The following ANKS1B variants were observed in gnomAD, a reference collection of about 807,000 sequenced individuals.
ANKS1B encodes ankyrin repeat and sterile alpha motif domain containing 1B.
A neutral mutation model predicts 148.3 loss-of-function variants in ANKS1B; 36 were observed. The ratio of observed to expected loss-of-function variants is 0.24; its 90% CI spans 0.19 to 0.32. The LOEUF is 0.32. Among genes scored for constraint, ANKS1B ranks in the 10% least tolerant of loss-of-function variants. The pLI is 1.00. For synonymous variants in ANKS1B, 542 were observed against 560.8 expected (o/e 0.97, Z 0.47); for missense variants, 1,157 against 1,542.6 (o/e 0.75, Z 4.19).
chr12:99,799,294 GT>G (rs2066643903), intron 4 of ANKS1B, among the ~76,000 whole-genome samples: 1 of 152,066 alleles, frequency 6.6e-6, no homozygotes, highest in Non-Finnish European at 1.5e-5. Flanking sequence ...CCTACATTCT[GT>G]TTCTTGTAAG....
chr12:99,621,167 G>T (rs1360198517), intron 9 of ANKS1B, among the ~76,000 whole-genome samples: 1 of 151,818 alleles, frequency 6.6e-6, no homozygotes, highest in Non-Finnish European at 1.5e-5. Context: ...AAGCAAAAAA[G>T]AAATAAAACC....
At chr12:98,808,552 T>C (rs2099068749) in intron 19 of ANKS1B, among the ~76,000 whole-genome samples, 1 of 152,136 alleles carries the variant, frequency 6.6e-6, no homozygotes, top group Non-Finnish European at 1.5e-5. Context: ...GGAAATTCAG[T>C]TCTGTTCCTC....
chr12:99,600,633 C>T (rs2097792957), intron 9 of ANKS1B, among the ~76,000 whole-genome samples: 1 of 151,948 alleles, frequency 6.6e-6, no homozygotes, highest in Non-Finnish European at 1.5e-5. Context: ...AATGCCTCAG[C>T]CATTAGCTCC....
chr12:99,769,264 T>C (rs1033765729), intron 8 of ANKS1B, among the ~76,000 whole-genome samples: 1 of 152,102 alleles, frequency 6.6e-6, no homozygotes, highest in African/African-American at 2.4e-5. Context: ...CCTAGACCAG[T>C]AGTATGGATG....
At chr12:99,471,791 A>G (rs1234802767) in intron 10 of ANKS1B, among the ~76,000 whole-genome samples, 2 of 152,172 alleles carry the variant, frequency 1.3e-5, no homozygotes, top group Non-Finnish European at 2.9e-5. Context: ...TCTGACATGT[A>G]ATGCAGGTTT....
intron 8 of ANKS1B, among the ~76,000 whole-genome samples, chr12:99,705,879 A>T (rs2055675499): frequency 6.6e-6 from 1 of 152,234 alleles, no homozygotes; most frequent in South Asian, 2.1e-4. Context: ...TTAAGAAAAG[A>T]TGAATCTGGA....
intron 14 of ANKS1B, among the ~76,000 whole-genome samples, chr12:99,166,176 A>C (rs2077169655): frequency 6.6e-6 from 1 of 151,644 alleles, no homozygotes; most frequent in Admixed American, 6.6e-5. Context: ...TAGATTGTGA[A>C]AGACTGAATG....
intron 9 of ANKS1B, among the ~76,000 whole-genome samples, chr12:99,608,704 C>A (rs1396539081): frequency 6.6e-6 from 1 of 152,018 alleles, no homozygotes; most frequent in East Asian, 1.9e-4. Flanking sequence ...GACACAGGAC[C>A]AAATGAGGAA....
intron 19 of ANKS1B, among the ~76,000 whole-genome samples, chr12:98,828,413 C>G (rs1489390949): frequency 6.6e-6 from 1 of 152,208 alleles, no homozygotes; most frequent in Non-Finnish European, 1.5e-5. Flanking sequence ...GAGAAGACTC[C>G]TGCACATCAG....
At chr12:98,901,016 T>C (rs1489563882) in intron 17 of ANKS1B, among the ~76,000 whole-genome samples, 2 of 152,052 alleles carry the variant, frequency 1.3e-5, no homozygotes, top group African/African-American at 2.4e-5. Flanking sequence ...TCCACTAATA[T>C]TGCATTTATC....
chr12:99,056,119 T>C (rs2040116879), intron 16 of ANKS1B, among the ~76,000 whole-genome samples: 1 of 152,174 alleles, frequency 6.6e-6, no homozygotes, highest in Non-Finnish European at 1.5e-5. Context: ...CGCCCACTCA[T>C]TCAATAAATA....
intron 10 of ANKS1B, among the ~76,000 whole-genome samples, chr12:99,478,222 A>G (rs1567180488): frequency 1.3e-5 from 2 of 152,120 alleles, no homozygotes; most frequent in Non-Finnish European, 2.9e-5. Context: ...CAAGATGTTG[A>G]GAGGGGTCTA....
chr12:99,802,529 T>C (rs1393114535), intron 4 of ANKS1B, among the ~76,000 whole-genome samples: 1 of 152,196 alleles, frequency 6.6e-6, no homozygotes, highest in East Asian at 1.9e-4. Context: ...CTTACTATTT[T>C]AAATATGTGT....
intron 14 of ANKS1B, chr12:99,154,856 C>A: frequency 6.5e-7 from 1 of 1,532,722 alleles, no homozygotes; most frequent in South Asian, 1.2e-5. Context: ...CGCTCGCTCC[C>A]CTTCATTACC....
At chr12:98,935,092 T>C (rs1177113360) in intron 17 of ANKS1B, among the ~76,000 whole-genome samples, 1 of 152,140 alleles carries the variant, frequency 6.6e-6, no homozygotes, top group African/African-American at 2.4e-5. Context: ...CATCATTGAG[T>C]ATGAGGTTGG....
chr12:98,861,832 G>A (rs1446610691), intron 17 of ANKS1B, among the ~76,000 whole-genome samples: 2 of 152,108 alleles, frequency 1.3e-5, no homozygotes, highest in East Asian at 3.9e-4. Flanking sequence ...TGAATCCTGG[G>A]GCTTCTGAGC....
chr12:99,332,466 G>C (rs552347535), intron 12 of ANKS1B, among the ~76,000 whole-genome samples: 3 of 151,990 alleles, frequency 2.0e-5, no homozygotes, highest in Non-Finnish European at 4.4e-5. Flanking sequence ...TGCATTGTGT[G>C]AGGTGTCAGG....
At chr12:99,409,268 G>A (rs1284659356) in intron 11 of ANKS1B, among the ~76,000 whole-genome samples, 3 of 152,164 alleles carry the variant, frequency 2.0e-5, no homozygotes, top group Non-Finnish European at 2.9e-5. Flanking sequence ...AACATTGCAT[G>A]TTCTCATTTA....
In ANKS1B at chr12:98,873,774, G is replaced by C. The variant is rs529620521; in HGVS notation, c.2779-41638C>G. Among the ~76,000 whole-genome samples the C allele has an allele frequency of 4.5e-4, 69 of 152,256 alleles. 1 individual carries two copies. Among genetic ancestry groups the C allele is most frequent in the South Asian group, 8.3e-4 (4 of 4,826 alleles). On this transcript the variant is annotated intron_variant, in intron 17 of 26. Coordinates refer to ENST00000683438, the MANE Select transcript of ANKS1B (RefSeq NM_001352186.2). ...GAAAAAAGACAGTCGTCGTCCTAGA[G>C]GTAAAAATCACTTTACTTGCCAATA...
Sources: allele counts gnomAD v4.1 joint callset (sites outside exome capture counted in the v4.1 genomes callset), GRCh38; gene constraint gnomAD v4.1.1; transcripts MANE v1.5; gene names NCBI Gene and HGNC (gene_info 2026-07-23, HGNC 2026-07-21).